The following RAPGEF2 variants were observed in gnomAD, a reference collection of about 807,000 sequenced individuals.
The protein encoded by RAPGEF2 is PDZ domain containing guanine nucleotide exchange factor (GEF) 1.
In RAPGEF2, 54 loss-of-function variants were observed where a neutral mutation model predicts 186.7. That is an observed-to-expected ratio of 0.29 (90% CI 0.23 to 0.36). The LOEUF is 0.36. Ranked by LOEUF, RAPGEF2 falls within the 10% of genes least tolerant of loss-of-function variation. RAPGEF2 has a pLI of 1.00. For missense variants in RAPGEF2, 1,532 were observed against 2,045.0 expected (o/e 0.75, Z 4.84); for synonymous variants, 712 against 705.9 (o/e 1.01, Z -0.14).
At chr4:159,148,588 T>C (rs1299227705) in intron 1 of RAPGEF2, among the ~76,000 whole-genome samples, 1 of 152,210 alleles carries the variant, frequency 6.6e-6, no homozygotes, top group Non-Finnish European at 1.5e-5. Context: ...ACTACTCCTA[T>C]TGAATGCCAA....
chr4:159,295,159 C>T (rs1761783055), intron 7 of RAPGEF2, among the ~76,000 whole-genome samples: 1 of 152,142 alleles, frequency 6.6e-6, no homozygotes, highest in African/African-American at 2.4e-5. Flanking sequence ...AGAAAATATA[C>T]AGAGGAGTTT....
At chr4:159,289,509 T>A (rs1760925322) in intron 7 of RAPGEF2, among the ~76,000 whole-genome samples, 1 of 152,146 alleles carries the variant, frequency 6.6e-6, no homozygotes, top group Non-Finnish European at 1.5e-5. Context: ...GAAAAGAACA[T>A]TGGGATCAAA....
intron 1 of RAPGEF2, among the ~76,000 whole-genome samples, chr4:159,130,672 G>A (rs1560993670): frequency 6.6e-6 from 1 of 152,112 alleles, no homozygotes; most frequent in Non-Finnish European, 1.5e-5. Context: ...CAGGCTTAGC[G>A]AATAAATTAC....
Position 159,353,673 on chromosome 4 carries a change from C to A in RAPGEF2, c.4278C>A (p.His1426Gln). The change falls in exon 28 of 30, where the codon CAC (histidine) becomes CAA (glutamine). Residue 1426 changes from histidine to glutamine, a missense_variant. Coordinates refer to ENST00000691494, the MANE Select transcript of RAPGEF2 (RefSeq NM_001394067.2). This position sits in a 1 kb window ranked among gnomAD's most constrained non-coding sequence, Gnocchi z 4.3. ...GSHDNIQTIQHQRSWETLPFG... is the reference protein window; with the variant it reads ...GSHDNIQTIQQQRSWETLPFG... ...ATGATAATATACAGACGATCCAGCA[C>A]CAGAGAAGCTGGGAGACTCTTCCAT... is the stretch of plus-strand genomic sequence containing the variant. 4 of 1,588,480 alleles carry A rather than the reference C, an allele frequency of 2.5e-6. No individual in the cohort carries two copies. The highest frequency in any genetic ancestry group is 3.4e-6 in the Non-Finnish European group (4 of 1,168,352).
intron 1 of RAPGEF2, among the ~76,000 whole-genome samples, chr4:159,124,103 C>T (rs997621176): frequency 2.0e-4 from 31 of 151,900 alleles, no homozygotes; most frequent in African/African-American, 5.6e-4. Flanking sequence ...GATCTGCCTG[C>T]CTCCATCTCC....
chr4:159,131,097 T>TGTGAGA (rs1293235700), intron 1 of RAPGEF2, among the ~76,000 whole-genome samples: 1 of 148,216 alleles, frequency 6.7e-6, no homozygotes, highest in South Asian at 2.1e-4. Context: ...TGTGTGTGTG[T>TGTGAGA]GAGAGAGAGA....
rs200311048 is a variant in RAPGEF2, at chr4:159,356,112, G to A, written c.4911G>A (p.Pro1637=). 4.1e-5 allele frequency: 66 copies of A among 1,614,014 alleles called. 1 individual carries two copies. The East Asian group carries it at 1.0e-3, about 26-fold the overall frequency. ...PQWHKPNESD[P]RLAPYQSQGF... is the part of the protein sequence containing the mutation. ...GGCATAAACCGAACGAGTCTGACCC[G>A]CGCCTCGCCCCCTATCAGTCCCAAG... Residue 1637 remains proline (P), a synonymous_variant, in exon 29 of 30, where the codon CCG becomes CCA. Transcript: ENST00000691494.
chr4:159,317,581 AT>A (rs1207205341), intron 9 of RAPGEF2, among the ~76,000 whole-genome samples: 3 of 152,002 alleles, frequency 2.0e-5, no homozygotes, highest in African/African-American at 7.3e-5. Context: ...TGTTGATCTG[AT>A]TTACAATTTC....
rs374512499 is a variant in RAPGEF2 at position 159,353,450 on chromosome 4, GT to G, written c.4092-27del. The G allele has an allele frequency of 1.4e-3, 1,742 of 1,255,726 alleles. 12 individuals carry two copies. The African/African-American group carries it at 0.018, about 13-fold the overall frequency. The allele number at this position is 1,255,726 out of a possible 1,614,324, so 77.8% of individuals were successfully genotyped here. A position where few individuals can be genotyped will look rare whatever the true frequency, so the allele number is the denominator to read the frequency against. On this transcript the variant is annotated intron_variant, in intron 27 of 29. Coordinates refer to ENST00000691494, the MANE Select transcript of RAPGEF2 (RefSeq NM_001394067.2). The surrounding 1 kb of genome is among the most constrained non-coding windows in gnomAD (Gnocchi z 4.3). ...CATAGGTGAATTAGTTATCAATCTT[GT>G]TTTTTTTTTCTTTTCCATTTCTTTT...
intron 19 of RAPGEF2, among the ~76,000 whole-genome samples, chr4:159,339,986 T>C (rs1729166862): frequency 6.6e-6 from 1 of 152,252 alleles, no homozygotes; most frequent in African/African-American, 2.4e-5. Flanking sequence ...TGTCTGATTT[T>C]ATCATTCTCT....
intron 4 of RAPGEF2, among the ~76,000 whole-genome samples, chr4:159,220,735 G>A (rs748882829): frequency 2.6e-5 from 4 of 152,128 alleles, no homozygotes; most frequent in Non-Finnish European, 5.9e-5. Context: ...TCCATACCAA[G>A]CTGTGAGATT....
chr4:159,230,395 A>G (rs1045543682), intron 4 of RAPGEF2, among the ~76,000 whole-genome samples: 1 of 152,230 alleles, frequency 6.6e-6, no homozygotes, highest in African/African-American at 2.4e-5. Flanking sequence ...AAATACACAT[A>G]TACACACAAA....
At chr4:159,194,609 A>T (rs1748435186) in intron 3 of RAPGEF2, among the ~76,000 whole-genome samples, 1 of 152,240 alleles carries the variant, frequency 6.6e-6, no homozygotes, top group East Asian at 1.9e-4. Flanking sequence ...TGACTTTAAC[A>T]AACCTTAAAC....
At chr4:159,176,797 T>C (rs1030461052) in intron 1 of RAPGEF2, among the ~76,000 whole-genome samples, 20 of 152,186 alleles carry the variant, frequency 1.3e-4, no homozygotes, top group Admixed American at 3.9e-4. Flanking sequence ...ATAAGGAATG[T>C]TTTAAAGGTA....
chr4:159,262,547 A>G (rs1309620462), intron 7 of RAPGEF2, among the ~76,000 whole-genome samples: 1 of 152,230 alleles, frequency 6.6e-6, no homozygotes, highest in African/African-American at 2.4e-5. Context: ...TAGGGAATGA[A>G]GTAAGCTTTG....
intron 1 of RAPGEF2, among the ~76,000 whole-genome samples, chr4:159,135,376 T>C (rs1579277342): frequency 6.6e-6 from 1 of 152,096 alleles, no homozygotes; most frequent in East Asian, 1.9e-4. Context: ...CCAAGTAATA[T>C]TCCATTATAT....
chr4:159,315,279 T>G (rs1039959434), intron 9 of RAPGEF2, among the ~76,000 whole-genome samples: 1 of 152,070 alleles, frequency 6.6e-6, no homozygotes, highest in African/African-American at 2.4e-5. Context: ...TTTTCTGTCT[T>G]TCTTTTGCTG....
chr4:159,341,048 C>G (rs1729399116), intron 19 of RAPGEF2, among the ~76,000 whole-genome samples: 2 of 151,936 alleles, frequency 1.3e-5, no homozygotes, highest in Admixed American at 1.3e-4. Context: ...TTCATAGGAT[C>G]AAATAGAGGG....
intron 22 of RAPGEF2, 49 bp from the exon 23 acceptor site, chr4:159,343,983 TTCTG>T: frequency 1.3e-6 from 2 of 1,514,336 alleles, no homozygotes; most frequent in South Asian, 1.1e-5. Flanking sequence ...CTTGTGATCT[TTCTG>T]TCTCTCTTTC....
Sources: gnomAD v4.1 joint callset for allele counts (sites outside exome capture counted in the v4.1 genomes callset) on GRCh38, gnomAD v4.1.1 for gene constraint, Gnocchi (gnomAD v3.1) non-coding constraint, MANE v1.5 for transcripts, NCBI Gene and HGNC (gene_info 2026-07-23, HGNC 2026-07-21) for gene names.